The following MAN2A1 variants were observed in gnomAD, a reference collection of about 807,000 sequenced individuals.
MAN2A1 encodes the protein alpha-mannosidase 2.
Under a neutral mutation model 142.6 loss-of-function variants are expected in MAN2A1, and 76 were observed. The observed-to-expected ratio is 0.53, with a 90% confidence interval of 0.44 to 0.65. The LOEUF is 0.65. Ranked by LOEUF, MAN2A1 falls within the 30% of genes least tolerant of loss-of-function variation. The pLI is 0.00. For missense variants in MAN2A1, 1,311 were observed against 1,365.1 expected, an observed-to-expected ratio of 0.96 and a Z score of 0.62; for synonymous variants, 559 against 473.2, an observed-to-expected ratio of 1.18 and a Z score of -2.35.
Position 109,735,122 on chromosome 5 carries a change from A to T in MAN2A1, c.707+5609A>T, listed in dbSNP as rs1337231194. ...TGTTGAATTGATCCCTTTACCATTA[A>T]GTAATGGCCTTCTTTGTCTCTTTTG... On this transcript the variant is annotated intron_variant, in intron 4 of 21. Transcript: ENST00000261483. 2.4e-3 allele frequency among the ~76,000 whole-genome samples: 346 copies of T among 147,108 alleles called. 1 individual carries two copies. Among genetic ancestry groups the T allele is most frequent in the South Asian group, 4.6e-3 (21 of 4,588 alleles).
Position 109,865,122 on chromosome 5 carries a change from GT to G in MAN2A1, c.3262del (p.Cys1088ValfsTer14). On this transcript the variant is annotated frameshift_variant, in exon 21 of 22. Transcript: ENST00000261483. LOFTEE classifies it high-confidence loss of function. ...GGTTCTCTAGCAAAGGCACAGGGCT[GT>G]TTTGTTCTACTACTCAGGGAAAGGT... The part of the protein sequence containing the change: ...CRFSSKGTGL[F>X]CSTTQGKILV... 1 of 1,613,840 alleles carries G rather than the reference GT, an allele frequency of 6.2e-7. No homozygotes were observed. Among genetic ancestry groups the G allele is most frequent in the Non-Finnish European group, 8.5e-7 (1 of 1,179,810 alleles).
chr5:109,811,837 G>A (rs1754328061), intron 12 of MAN2A1, among the ~76,000 whole-genome samples: 1 of 151,892 alleles, frequency 6.6e-6, no homozygotes, highest in Non-Finnish European at 1.5e-5. Flanking sequence ...TTTTAACTTA[G>A]CCATAAGCCA....
At chr5:109,728,832 A>G (rs999582) in intron 3 of MAN2A1, among the ~76,000 whole-genome samples, 3 of 152,088 alleles carry the variant, frequency 2.0e-5, no homozygotes, top group Non-Finnish European at 4.4e-5. Context: ...TAATTACCTT[A>G]TTGGTCTGCT....
chr5:109,799,307 G>A (rs139965199), intron 12 of MAN2A1, among the ~76,000 whole-genome samples: 15 of 152,156 alleles, frequency 9.9e-5, no homozygotes, highest in African/African-American at 3.4e-4. Context: ...TTTGTCTCTC[G>A]CATCATCTCT....
intron 3 of MAN2A1, among the ~76,000 whole-genome samples, chr5:109,717,628 C>T (rs1751491595): frequency 6.6e-6 from 1 of 151,978 alleles, no homozygotes; most frequent in Non-Finnish European, 1.5e-5. Context: ...TAGCCTGTAC[C>T]TTTTAAATCA....
At position 109,746,319 on chromosome 5, in the gene MAN2A1, A is replaced by G. The variant is rs539341131; in HGVS notation, c.708-9010A>G. Among the ~76,000 whole-genome samples, 14 of 152,252 alleles carry G rather than the reference A, an allele frequency of 9.2e-5. 1 individual carries two copies. The East Asian group carries it at 2.7e-3, about 29-fold the overall frequency. ...GTGCTTAGGAGACACAGGTTATAGCATTTATAGTTCAGAAAAAAATTTAGT... is the reference window on the plus strand; with the variant it reads ...GTGCTTAGGAGACACAGGTTATAGCGTTTATAGTTCAGAAAAAAATTTAGT... On this transcript the variant is annotated intron_variant, in intron 4 of 21. Transcript: ENST00000261483.
intron 16 of MAN2A1, among the ~76,000 whole-genome samples, chr5:109,836,579 T>C (rs566853294): frequency 1.3e-5 from 2 of 152,238 alleles, no homozygotes; most frequent in African/African-American, 4.8e-5. Flanking sequence ...ATTTTGAGAG[T>C]GGTGCTAAAA....
intron 10 of MAN2A1, among the ~76,000 whole-genome samples, chr5:109,787,742 C>A (rs1341041555): frequency 6.6e-6 from 1 of 151,802 alleles, no homozygotes; most frequent in East Asian, 1.9e-4. Flanking sequence ...ATAAAGATAG[C>A]CCTGTAGACA....
intron 5 of MAN2A1, among the ~76,000 whole-genome samples, chr5:109,766,806 C>T (rs1753004393): frequency 6.6e-6 from 1 of 152,108 alleles, no homozygotes. Flanking sequence ...GCTAGATGAA[C>T]AATCTTATTC....
At chr5:109,857,913 T>C (rs1172420429) in intron 20 of MAN2A1, among the ~76,000 whole-genome samples, 1 of 152,180 alleles carries the variant, frequency 6.6e-6, no homozygotes, top group Non-Finnish European at 1.5e-5. Context: ...CTACCATTTA[T>C]AACATGAGGC....
chr5:109,700,920 T>G (rs552150344), intron 1 of MAN2A1, among the ~76,000 whole-genome samples: 1 of 152,344 alleles, frequency 6.6e-6, no homozygotes, highest in South Asian at 2.1e-4. Context: ...TTGAAAGAAC[T>G]TTTTAGTTAT....
rs145978807 is a variant in MAN2A1 at position 109,754,100 on chromosome 5, T to C, written c.708-1229T>C. ...ACTTTTTAATTTTATTTTGTAAATATGGGATCTCCTTATGTTGCCCAGGCT... is the reference window on the plus strand; with the variant it reads ...ACTTTTTAATTTTATTTTGTAAATACGGGATCTCCTTATGTTGCCCAGGCT... On this transcript the variant is annotated intron_variant, in intron 4 of 21. Coordinates refer to ENST00000261483, the MANE Select transcript of MAN2A1 (RefSeq NM_002372.4). 3.4e-3 allele frequency among the ~76,000 whole-genome samples: 511 copies of C among 151,902 alleles called. 10 individuals carry two copies. The highest frequency in any genetic ancestry group is 0.029 in the Admixed American group (448 of 15,232).
chr5:109,785,022 C>T, intron 10 of MAN2A1, 96 bp downstream of exon 10: 3 of 809,276 alleles, frequency 3.7e-6, no homozygotes, highest in East Asian at 2.8e-5. Flanking sequence ...GTATATCAAA[C>T]CACATTAACA....
intron 2 of MAN2A1, 46 bp downstream of exon 2, chr5:109,713,820 G>A (rs200760768): frequency 1.6e-6 from 2 of 1,269,744 alleles, no homozygotes; most frequent in East Asian, 5.0e-5. Context: ...TTTTTTTTTT[G>A]TTCTTTTTAA....
chr5:109,708,457 T>C (rs991168322), intron 1 of MAN2A1, among the ~76,000 whole-genome samples: 2 of 148,188 alleles, frequency 1.3e-5, no homozygotes, highest in Non-Finnish European at 3.0e-5. Flanking sequence ...TGGAGGGGAA[T>C]GGGAATGTAA....
At chr5:109,773,877 G>T (rs2112656168) in intron 7 of MAN2A1, among the ~76,000 whole-genome samples, 1 of 152,214 alleles carries the variant, frequency 6.6e-6, no homozygotes, top group Non-Finnish European at 1.5e-5. Flanking sequence ...AAAAATACTT[G>T]TCGTTTAATC....
At chr5:109,805,439 A>T (rs776441413) in intron 12 of MAN2A1, among the ~76,000 whole-genome samples, 4 of 152,170 alleles carry the variant, frequency 2.6e-5, no homozygotes, top group Non-Finnish European at 5.9e-5. Context: ...TTGTAGTTCT[A>T]CTTTTGAGGG....
chr5:109,850,865 A>G (rs1363593135), intron 19 of MAN2A1, among the ~76,000 whole-genome samples: 1 of 152,148 alleles, frequency 6.6e-6, no homozygotes, highest in Non-Finnish European at 1.5e-5. Flanking sequence ...TCTTCAATTA[A>G]TGGTTTCTTT....
chr5:109,801,807 C>T (rs1315143915), intron 12 of MAN2A1, among the ~76,000 whole-genome samples: 1 of 151,958 alleles, frequency 6.6e-6, no homozygotes. Flanking sequence ...AAATTTTCTA[C>T]ATATTCTAAA....
Sources: gnomAD v4.1 joint callset for allele counts (sites outside exome capture counted in the v4.1 genomes callset) on GRCh38, gnomAD v4.1.1 for gene constraint, MANE v1.5 for transcripts, NCBI Gene and HGNC (gene_info 2026-07-23, HGNC 2026-07-21) for gene names.